Variants in GPC6 observed in about 807,000 individuals in gnomAD.
GPC6 encodes glypican-6.
In GPC6, 14 loss-of-function variants were observed where a neutral mutation model predicts 55.2. The ratio of observed to expected loss-of-function variants is 0.25; its 90% CI spans 0.17 to 0.40. The LOEUF (loss-of-function observed/expected upper bound fraction) is 0.40. Among genes scored for constraint, GPC6 ranks in the 10% least tolerant of loss-of-function variants. The probability of loss-of-function intolerance (pLI) is 1.00; values close to 1 mark genes in which losing one functional copy is unlikely to be tolerated. For synonymous variants in GPC6, 278 were observed against 259.6 expected, an observed-to-expected ratio of 1.07 and a Z score of -0.68; for missense variants, 641 against 708.5, an observed-to-expected ratio of 0.90 and a Z score of 1.08.
chr13:94,114,424 T>C (rs1036848728), intron 4 of GPC6, among the ~76,000 whole-genome samples: 1 of 151,908 alleles, frequency 6.6e-6, no homozygotes, highest in Non-Finnish European at 1.5e-5. Context: ...CAGGCGGGGG[T>C]ATATTCAACA....
intron 2 of GPC6, among the ~76,000 whole-genome samples, chr13:93,772,076 C>T (rs984280380): frequency 2.5e-4 from 38 of 152,084 alleles, no homozygotes; most frequent in Admixed American, 1.4e-3. Context: ...TGGCCCATAG[C>T]CCTTAATGCA....
intron 4 of GPC6, among the ~76,000 whole-genome samples, chr13:94,230,188 ACACT>A (rs151227459): frequency 6.6e-6 from 1 of 152,234 alleles, no homozygotes; most frequent in African/African-American, 2.4e-5. Flanking sequence ...AAGACTGAAA[ACACT>A]CAGTACCTTC....
In GPC6 at chr13:93,530,618, T is replaced by C. The variant is rs1349067311; in HGVS notation, c.161-14645T>C. On this transcript the variant is annotated intron_variant, in intron 1 of 8. Transcript: ENST00000377047. ...GCGCATATTGGTTTGTGAGAACCGA[T>C]TGTTAAAATTTCAGGAATTTTTGAA... Among the ~76,000 whole-genome samples, 4 of 152,254 alleles carry C rather than the reference T, an allele frequency of 2.6e-5. No homozygotes were observed. In the East Asian group the frequency reaches 7.7e-4, roughly 29 times the overall value.
chr13:93,773,017 A>G (rs1169415095), intron 2 of GPC6, among the ~76,000 whole-genome samples: 1 of 152,154 alleles, frequency 6.6e-6, no homozygotes, highest in East Asian at 1.9e-4. Context: ...TTTTCTCTGT[A>G]GTTTTTTCCA....
intron 2 of GPC6, among the ~76,000 whole-genome samples, chr13:93,694,092 C>A (rs1025354467): frequency 8.5e-5 from 13 of 152,138 alleles, no homozygotes; most frequent in African/African-American, 2.9e-4. Flanking sequence ...GAAACAGCAA[C>A]ACATCTGATT....
intron 4 of GPC6, among the ~76,000 whole-genome samples, chr13:94,273,639 A>G (rs1216662731): frequency 6.6e-6 from 1 of 152,210 alleles, no homozygotes; most frequent in East Asian, 1.9e-4. Context: ...TGTGCAATTT[A>G]GGCACTTGGT....
intron 2 of GPC6, among the ~76,000 whole-genome samples, chr13:93,554,159 G>A (rs1467651996): frequency 1.1e-4 from 13 of 122,828 alleles, no homozygotes; most frequent in African/African-American, 4.4e-4. Flanking sequence ...AAAAAAAAAA[G>A]AGAGAGAGAG....
At chr13:93,314,392 A>G (rs1879172378) in intron 1 of GPC6, among the ~76,000 whole-genome samples, 1 of 152,178 alleles carries the variant, frequency 6.6e-6, no homozygotes, top group Non-Finnish European at 1.5e-5. Context: ...GCAATTCATG[A>G]GTATGAAGGA....
At chr13:93,588,972 G>T (rs6492669) in intron 2 of GPC6, among the ~76,000 whole-genome samples, 7,775 of 152,200 alleles carry the variant, frequency 0.051, 659 homozygotes, top group African/African-American at 0.18. Flanking sequence ...CAGGGGGTTA[G>T]GGTGTGGTGG....
At chr13:93,456,759 T>C (rs1878468165) in intron 1 of GPC6, among the ~76,000 whole-genome samples, 1 of 152,118 alleles carries the variant, frequency 6.6e-6, no homozygotes, top group African/African-American at 2.4e-5. Context: ...GTGATCTGTT[T>C]TAGCATCTTG....
chr13:93,509,319 A>C (rs1463800796), intron 1 of GPC6, among the ~76,000 whole-genome samples: 1 of 152,220 alleles, frequency 6.6e-6, no homozygotes, highest in East Asian at 1.9e-4. Flanking sequence ...TGTAGTATAA[A>C]TATCAAATGA....
In GPC6 at chr13:93,895,234, G is replaced by GTGTGTATATA. The variant is rs1196315147; in HGVS notation, c.711+64690_711+64691insGTGTATATAT. On this transcript the variant is annotated intron_variant, in intron 3 of 8. Transcript: ENST00000377047. ...TGTGTGTGTATGTATGTGTGTGTGT[G>GTGTGTATATA]TATATATATATATATATATATATAT... is the stretch of plus-strand genomic sequence containing the variant. 3.3e-4 allele frequency among the ~76,000 whole-genome samples: 36 copies of GTGTGTATATA among 108,206 alleles called. 1 individual carries two copies. The highest frequency in any genetic ancestry group is 5.6e-4 in the Non-Finnish European group (29 of 52,174). The allele number at this position is 108,206 out of a possible 152,430, so 71.0% of individuals were successfully genotyped here. A position where few individuals can be genotyped will look rare whatever the true frequency, so the allele number is the denominator to read the frequency against.
At chr13:93,223,093 A>AC (rs911883913), upstream of GPC6, among the ~76,000 whole-genome samples, 4 of 132,728 alleles carry the variant, frequency 3.0e-5, no homozygotes, top group African/African-American at 1.1e-4. Flanking sequence ...ACCCACCCCT[A>AC]CACCAGGGAA....
At chr13:93,438,316 T>C (rs866036992) in intron 1 of GPC6, among the ~76,000 whole-genome samples, 1 of 152,198 alleles carries the variant, frequency 6.6e-6, no homozygotes, top group Non-Finnish European at 1.5e-5. Context: ...GTCATAAAGC[T>C]ATAGTTTCCA....
At chr13:94,380,197 G>C (rs1293034104) in intron 6 of GPC6, among the ~76,000 whole-genome samples, 1 of 152,172 alleles carries the variant, frequency 6.6e-6, no homozygotes, top group South Asian at 2.1e-4. Context: ...CTCATTCTTA[G>C]TTTATTTTAT....
chr13:94,377,751 G>T (rs1276346662), intron 6 of GPC6, among the ~76,000 whole-genome samples: 2 of 152,158 alleles, frequency 1.3e-5, no homozygotes, highest in Non-Finnish European at 2.9e-5. Flanking sequence ...GCACACGTAT[G>T]TTTACTGTGG....
Position 93,371,054 on chromosome 13 carries a change from GACAA to G in GPC6, c.160+143442_160+143445del, listed in dbSNP as rs370166635. ...ATAATCTCTTACTTTTGTTAATGTT[GACAA>G]ACATAGTCCACAGCTATGTGGATGG... is the stretch of plus-strand genomic sequence containing the variant. On this transcript the variant is annotated intron_variant, in intron 1 of 8. Transcript: ENST00000377047. Among the ~76,000 whole-genome samples, 621 of 152,250 alleles carry G rather than the reference GACAA, an allele frequency of 4.1e-3. 4 individuals carry two copies. The highest frequency in any genetic ancestry group is 0.014 in the African/African-American group (583 of 41,564).
At chr13:94,189,588 T>C (rs1017639437) in intron 4 of GPC6, among the ~76,000 whole-genome samples, 1 of 152,238 alleles carries the variant, frequency 6.6e-6, no homozygotes, top group African/African-American at 2.4e-5. Context: ...TAGATTGTTA[T>C]GTCAATCCAC....
chr13:93,593,783 A>C (rs1425457891), intron 2 of GPC6, among the ~76,000 whole-genome samples: 1 of 152,162 alleles, frequency 6.6e-6, no homozygotes, highest in Non-Finnish European at 1.5e-5. Flanking sequence ...TAAATCATAT[A>C]ATGATCATCT....
Sources: gnomAD v4.1 joint callset for allele counts (sites outside exome capture counted in the v4.1 genomes callset) on GRCh38, gnomAD v4.1.1 for gene constraint, MANE v1.5 for transcripts, NCBI Gene and HGNC (gene_info 2026-07-23, HGNC 2026-07-21) for gene names.